The following CMTM8 variants were observed in gnomAD, a reference collection of about 807,000 sequenced individuals.
CMTM8 encodes CKLF like MARVEL transmembrane domain containing 8, also known as CKLF-like MARVEL transmembrane domain-containing protein 8.
A neutral mutation model predicts 18.6 loss-of-function variants in CMTM8; 12 were observed. The observed-to-expected ratio is 0.65, with a 90% CI of 0.41 to 1.05. The LOEUF (loss-of-function observed/expected upper bound fraction) is 1.05. Among genes scored for constraint, CMTM8 ranks in the 50% least tolerant of loss-of-function variants. The probability of loss-of-function intolerance (pLI) is 0.00; values close to 1 mark genes in which losing one functional copy is unlikely to be tolerated. For missense variants in CMTM8, 217 were observed against 227.2 expected (o/e 0.95, Z 0.29); for synonymous variants, 87 against 90.6 (o/e 0.96, Z 0.23).
intron 1 of CMTM8, among the ~76,000 whole-genome samples, chr3:32,270,743 A>G (rs1364006391): frequency 1.3e-5 from 2 of 152,114 alleles, no homozygotes; most frequent in Non-Finnish European, 2.9e-5. Context: ...GCGGGGAGGG[A>G]TAGCATTAGG....
chr3:32,263,301 C>T (rs903040610), intron 1 of CMTM8, among the ~76,000 whole-genome samples: 3 of 152,180 alleles, frequency 2.0e-5, no homozygotes, highest in African/African-American at 7.2e-5. Context: ...CACCAATATT[C>T]GCTGTTCTGC....
chr3:32,337,232 A>G (rs1696406970), intron 1 of CMTM8, among the ~76,000 whole-genome samples: 1 of 152,214 alleles, frequency 6.6e-6, no homozygotes, highest in Admixed American at 6.5e-5. Context: ...TTTGGGGGAC[A>G]CATTCAAACC....
intron 1 of CMTM8, among the ~76,000 whole-genome samples, chr3:32,280,719 G>A (rs1048285606): frequency 4.0e-5 from 6 of 151,838 alleles, no homozygotes; most frequent in Admixed American, 2.6e-4. Flanking sequence ...GTCAAGACCC[G>A]TCACTGGTAA....
intron 1 of CMTM8, among the ~76,000 whole-genome samples, chr3:32,326,485 T>G (rs1376109430): frequency 1.3e-5 from 2 of 151,694 alleles, no homozygotes; most frequent in Non-Finnish European, 2.9e-5. Context: ...GTACAACTGC[T>G]TACACTGAGG....
chr3:32,362,046 C>CTTTTTTTTTTTTTTTTTTTTT (rs60064096), intron 2 of CMTM8, among the ~76,000 whole-genome samples: 6 of 92,062 alleles, frequency 6.5e-5, no homozygotes, highest in African/African-American at 7.9e-5. Flanking sequence ...ATTTTCTTTT[C>CTTTTTTTTTTTTTTTTTTTTT]TTTTTTTTTT....
intron 1 of CMTM8, among the ~76,000 whole-genome samples, chr3:32,267,181 C>T (rs181999530): frequency 1.3e-3 from 199 of 152,308 alleles, no homozygotes; most frequent in African/African-American, 4.4e-3. Flanking sequence ...GGAGGCATCA[C>T]ACTACCTGAC....
chr3:32,294,820 C>T (rs1702845486), intron 1 of CMTM8, among the ~76,000 whole-genome samples: 2 of 151,982 alleles, frequency 1.3e-5, no homozygotes, highest in East Asian at 1.9e-4. Context: ...TTTGGGAGGC[C>T]GAGGCGAGCG....
At chr3:32,285,380 T>C (rs1275564375) in intron 1 of CMTM8, among the ~76,000 whole-genome samples, 2 of 152,070 alleles carry the variant, frequency 1.3e-5, no homozygotes, top group African/African-American at 2.4e-5. Context: ...CTGGGCGTGT[T>C]GGCACACACG....
intron 1 of CMTM8, among the ~76,000 whole-genome samples, chr3:32,261,942 A>C (rs1702265097): frequency 6.6e-6 from 1 of 152,204 alleles, no homozygotes; most frequent in South Asian, 2.1e-4. Context: ...AGCTGGTTGA[A>C]GCCGCAAGGG....
At chr3:32,270,949 C>CACTACTTTTTT (rs1238046593) in intron 1 of CMTM8, among the ~76,000 whole-genome samples, 19 of 152,234 alleles carry the variant, frequency 1.2e-4, no homozygotes, top group African/African-American at 4.6e-4. Context: ...TTTCCAAATT[C>CACTACTTTTTT]CCCAAAGGTC....
chr3:32,249,209 G>A (rs761630217), intron 1 of CMTM8, among the ~76,000 whole-genome samples: 1 of 151,560 alleles, frequency 6.6e-6, no homozygotes, highest in Non-Finnish European at 1.5e-5. Flanking sequence ...CAGGCAGATC[G>A]CTTGAGCCCA....
At chr3:32,322,937 T>C (rs1696085477) in intron 1 of CMTM8, among the ~76,000 whole-genome samples, 2 of 152,194 alleles carry the variant, frequency 1.3e-5, no homozygotes, top group South Asian at 2.1e-4. Context: ...GTAGGCGTTT[T>C]ATGGCTTGGG....
At chr3:32,264,877 G>A (rs1702312562) in intron 1 of CMTM8, among the ~76,000 whole-genome samples, 1 of 152,168 alleles carries the variant, frequency 6.6e-6, no homozygotes, top group African/African-American at 2.4e-5. Context: ...TAATGGTAAA[G>A]GGATCAATTC....
At chr3:32,321,986 T>A (rs1696063950) in intron 1 of CMTM8, among the ~76,000 whole-genome samples, 1 of 152,196 alleles carries the variant, frequency 6.6e-6, no homozygotes, top group African/African-American at 2.4e-5. Flanking sequence ...CAGAGATGGG[T>A]TAGCGCCACT....
rs1195533578 is a variant in CMTM8 at position 32,239,083 on chromosome 3, C to T, written c.111C>T (p.Leu37=). 1 of 1,601,342 alleles carries T rather than the reference C, an allele frequency of 6.2e-7. No homozygotes were observed. The highest frequency in any genetic ancestry group is 2.3e-5 in the East Asian group (1 of 44,010). Residue 37 remains leucine, a synonymous_variant, in exon 1 of 4, where the codon CTC becomes CTT. Transcript: ENST00000307526. ...SSSFAYDREF[L]RTLPGFLIVA... Reference sequence around the variant, plus strand: ...GCTTCGCCTACGACCGGGAGTTCCTCCGCACCCTGCCCGGCTTCCTCATCG... The same window carrying T: ...GCTTCGCCTACGACCGGGAGTTCCTTCGCACCCTGCCCGGCTTCCTCATCG...
chr3:32,263,463 C>T (rs1219651968), intron 1 of CMTM8, among the ~76,000 whole-genome samples: 1 of 152,128 alleles, frequency 6.6e-6, no homozygotes, highest in African/African-American at 2.4e-5. Context: ...TCACCATCAT[C>T]AAAGACCAAA....
chr3:32,351,529 G>A (rs1180966274), intron 1 of CMTM8, among the ~76,000 whole-genome samples: 1 of 151,944 alleles, frequency 6.6e-6, no homozygotes, highest in South Asian at 2.1e-4. Context: ...GCAACATAGC[G>A]AGACCTCATC....
intron 1 of CMTM8, among the ~76,000 whole-genome samples, chr3:32,283,377 T>C (rs370244966): frequency 2.0e-5 from 3 of 152,170 alleles, no homozygotes; most frequent in Non-Finnish European, 2.9e-5. Flanking sequence ...GGAAGAGTCA[T>C]TTGAGTTTCT....
chr3:32,344,786 T>A (rs1696562486), intron 1 of CMTM8, among the ~76,000 whole-genome samples: 2 of 152,132 alleles, frequency 1.3e-5, no homozygotes, highest in South Asian at 4.2e-4. Flanking sequence ...TTCCAGCTAT[T>A]TTGGAGGCTG....
Sources: allele counts gnomAD v4.1 joint callset (sites outside exome capture counted in the v4.1 genomes callset), GRCh38; gene constraint gnomAD v4.1.1; transcripts MANE v1.5; gene names NCBI Gene and HGNC (gene_info 2026-07-23, HGNC 2026-07-21).